Variants in GPR158 observed in about 807,000 individuals in gnomAD.
GPR158 encodes metabotropic glycine receptor.
In GPR158, 30 loss-of-function variants were observed where a neutral mutation model predicts 78.2. The observed-to-expected ratio is 0.38, with a 90% CI of 0.29 to 0.52. The LOEUF is 0.52. GPR158 is among the 20% of genes least tolerant of loss of function. The probability of loss-of-function intolerance (pLI) is 0.83; values close to 1 mark genes in which losing one functional copy is unlikely to be tolerated. For synonymous variants in GPR158, 581 were observed against 591.1 expected (o/e 0.98, Z 0.25); for missense variants, 1,463 against 1,523.5 (o/e 0.96, Z 0.66).
chr10:25,412,188 A>G, intron 3 of GPR158, 62 bp from the exon 4 acceptor site: 12 of 1,110,596 alleles, frequency 1.1e-5, no homozygotes, highest in South Asian at 3.7e-5. Flanking sequence ...TTTTGACTCT[A>G]TACTCAATCT....
At chr10:25,592,805 C>T (rs1459141976) in intron 8 of GPR158, among the ~76,000 whole-genome samples, 1 of 148,868 alleles carries the variant, frequency 6.7e-6, no homozygotes, top group Non-Finnish European at 1.5e-5. Flanking sequence ...GAATGACCCT[C>T]AACAGACTGG....
intron 1 of GPR158, among the ~76,000 whole-genome samples, chr10:25,203,227 T>A (rs1192412814): frequency 6.6e-6 from 1 of 152,242 alleles, no homozygotes; most frequent in Non-Finnish European, 1.5e-5. Flanking sequence ...GATGGTAGTT[T>A]CTTTTGCTGT....
intron 2 of GPR158, among the ~76,000 whole-genome samples, chr10:25,287,308 C>T (rs747706009): frequency 8.5e-5 from 13 of 152,060 alleles, no homozygotes; most frequent in Non-Finnish European, 1.6e-4. Flanking sequence ...TTTCTTGACC[C>T]TCCACCAGTA....
intron 2 of GPR158, among the ~76,000 whole-genome samples, chr10:25,320,759 A>G (rs1854936421): frequency 6.6e-6 from 1 of 152,212 alleles, no homozygotes. Flanking sequence ...TTTGAGGTGA[A>G]ATTAAAATAT....
At chr10:25,496,260 G>A (rs904184706) in intron 5 of GPR158, among the ~76,000 whole-genome samples, 2 of 152,088 alleles carry the variant, frequency 1.3e-5, no homozygotes, top group Admixed American at 6.5e-5. Context: ...CCTTGGCTGT[G>A]ACATGTCCAT....
At chr10:25,303,170 A>G (rs1854624212) in intron 2 of GPR158, among the ~76,000 whole-genome samples, 1 of 152,244 alleles carries the variant, frequency 6.6e-6, no homozygotes, top group African/African-American at 2.4e-5. Context: ...GCTAGTTAAT[A>G]AGTAACTGCT....
intron 3 of GPR158, 120 bp downstream of exon 3, chr10:25,396,133 T>A: frequency 1.8e-6 from 1 of 544,372 alleles, no homozygotes; most frequent in Admixed American, 3.3e-5. Flanking sequence ...TTTGGCATTC[T>A]TTCATCACTT....
At position 25,395,980 on chromosome 10, in the gene GPR158, C is replaced by A. The variant is rs1363064966; in HGVS notation, c.1078C>A (p.His360Asn). The change falls in exon 3 of 11, where the codon CAT becomes AAT. Residue 360 changes from histidine to asparagine, a missense_variant. Transcript: ENST00000376351. ...GTGCATTTGCAAAGCAGGATTCTAT[C>A]ATCCTGGAGTCTTACCAGTGAACAA... ...YECICKAGFY[H>N]PGVLPVNNFR... 2 of 1,604,634 alleles carry A rather than the reference C, an allele frequency of 1.2e-6. No homozygotes were observed. The highest frequency in any genetic ancestry group is 1.7e-6 in the Non-Finnish European group (2 of 1,171,568).
intron 5 of GPR158, among the ~76,000 whole-genome samples, chr10:25,471,432 G>A (rs1278464485): frequency 3.3e-5 from 5 of 152,142 alleles, no homozygotes; most frequent in Non-Finnish European, 5.9e-5. Flanking sequence ...GTGTGCATGT[G>A]TCTTTATAGC....
intron 4 of GPR158, among the ~76,000 whole-genome samples, chr10:25,426,005 C>G (rs184963235): frequency 5.9e-5 from 9 of 152,176 alleles, no homozygotes; most frequent in Non-Finnish European, 1.0e-4. Flanking sequence ...TATGTTTTCT[C>G]TCTTTATCTG....
At chr10:25,385,391 C>T (rs888133001) in intron 2 of GPR158, among the ~76,000 whole-genome samples, 1 of 152,026 alleles carries the variant, frequency 6.6e-6, no homozygotes, top group Non-Finnish European at 1.5e-5. Context: ...GGGTTACTTA[C>T]AACTCTTGGC....
chr10:25,409,628 GAA>G (rs1221789570), intron 3 of GPR158, among the ~76,000 whole-genome samples: 1 of 152,092 alleles, frequency 6.6e-6, no homozygotes, highest in Admixed American at 6.5e-5. Context: ...TCCAGTGTTA[GAA>G]AAAGAGATAT....
chr10:25,260,994 C>T (rs1037460218), intron 2 of GPR158, among the ~76,000 whole-genome samples: 4 of 152,072 alleles, frequency 2.6e-5, no homozygotes, highest in African/African-American at 9.7e-5. Flanking sequence ...ATTGCTAAAA[C>T]CAGTATTTCC....
At chr10:25,267,966 A>G (rs1318009975) in intron 2 of GPR158, among the ~76,000 whole-genome samples, 1 of 152,164 alleles carries the variant, frequency 6.6e-6, no homozygotes, top group African/African-American at 2.4e-5. Context: ...TTTTATTATC[A>G]CATATCGTCC....
At chr10:25,447,167 T>C (rs1835147749) in intron 4 of GPR158, among the ~76,000 whole-genome samples, 2 of 152,286 alleles carry the variant, frequency 1.3e-5, no homozygotes, top group South Asian at 2.1e-4. Flanking sequence ...ACAATAGATT[T>C]ATAGATAATA....
chr10:25,383,748 A>G (rs1834187227), intron 2 of GPR158, among the ~76,000 whole-genome samples: 1 of 152,238 alleles, frequency 6.6e-6, no homozygotes, highest in Non-Finnish European at 1.5e-5. Flanking sequence ...GAAACCAAGA[A>G]GAATAGAAAA....
chr10:25,204,822 T>G (rs866744681), intron 1 of GPR158, among the ~76,000 whole-genome samples: 2 of 150,224 alleles, frequency 1.3e-5, no homozygotes, highest in Non-Finnish European at 3.0e-5. Flanking sequence ...CTGAGGGTTT[T>G]TTTTTTTTTT....
intron 5 of GPR158, among the ~76,000 whole-genome samples, chr10:25,528,483 C>T (rs889284863): frequency 1.3e-5 from 2 of 151,942 alleles, no homozygotes; most frequent in African/African-American, 4.8e-5. Context: ...CTAGGATATT[C>T]CTATATACAG....
chr10:25,231,784 G>A (rs1263256948), intron 2 of GPR158, among the ~76,000 whole-genome samples: 1 of 152,224 alleles, frequency 6.6e-6, no homozygotes, highest in African/African-American at 2.4e-5. Context: ...AGAGGATTCA[G>A]AGGATTCACT....
Sources: allele counts gnomAD v4.1 joint callset (sites outside exome capture counted in the v4.1 genomes callset), GRCh38; gene constraint gnomAD v4.1.1; transcripts MANE v1.5; gene names NCBI Gene and HGNC (gene_info 2026-07-23, HGNC 2026-07-21).